The following FAM193A variants were observed in gnomAD, a reference collection of about 807,000 sequenced individuals.
The protein encoded by FAM193A is family with sequence similarity 193 member A.
A neutral mutation model predicts 126.5 loss-of-function variants in FAM193A; 22 were observed. The ratio of observed to expected loss-of-function variants is 0.17; its 90% CI spans 0.12 to 0.25. The LOEUF is 0.25. Among genes scored for constraint, FAM193A ranks in the 10% least tolerant of loss-of-function variants. FAM193A has a pLI of 1.00. For missense variants in FAM193A, 1,675 were observed against 1,672.8 expected (o/e 1.00, Z -0.02); for synonymous variants, 761 against 646.8 (o/e 1.18, Z -2.68).
At chr4:2,587,566 C>CCT (rs140634140) in intron 1 of FAM193A, among the ~76,000 whole-genome samples, 4,559 of 152,206 alleles carry the variant, frequency 0.03, 237 homozygotes, top group African/African-American at 0.1. Context: ...GTGGTGCATG[C>CCT]CTGTAGTTCC....
At chr4:2,729,070 A>G (rs1387025597) in intron 20 of FAM193A, among the ~76,000 whole-genome samples, 2 of 152,068 alleles carry the variant, frequency 1.3e-5, no homozygotes, top group East Asian at 3.9e-4. Flanking sequence ...CCATCAGGTG[A>G]TGGTTAGGCA....
intron 1 of FAM193A, among the ~76,000 whole-genome samples, chr4:2,574,936 T>C (rs1331620334): frequency 1.3e-5 from 2 of 152,164 alleles, no homozygotes; most frequent in Admixed American, 6.5e-5. Context: ...CCTTTTGGGT[T>C]CGTGACCCGC....
chr4:2,625,441 A>G, intron 3 of FAM193A, 46 bp downstream of exon 3: 1 of 670,718 alleles, frequency 1.5e-6, no homozygotes, highest in Non-Finnish European at 2.8e-6. Flanking sequence ...CCACAATGAC[A>G]TGCAGACCTG....
At chr4:2,611,128 C>T (rs1234896820) in intron 2 of FAM193A, among the ~76,000 whole-genome samples, 1 of 152,208 alleles carries the variant, frequency 6.6e-6, no homozygotes, top group Non-Finnish European at 1.5e-5. Flanking sequence ...AGTGCTTATA[C>T]TGTTCTGCAG....
At chr4:2,680,041 A>G (rs1162772879) in intron 13 of FAM193A, among the ~76,000 whole-genome samples, 2 of 150,856 alleles carry the variant, frequency 1.3e-5, no homozygotes, top group Non-Finnish European at 3.0e-5. Flanking sequence ...TTGTATTTTT[A>G]GTAGAGACGG....
At chr4:2,578,309 T>G (rs757871759) in intron 1 of FAM193A, among the ~76,000 whole-genome samples, 1 of 152,174 alleles carries the variant, frequency 6.6e-6, no homozygotes, top group Non-Finnish European at 1.5e-5. Flanking sequence ...CATTGCCTGC[T>G]TTATTTTGCT....
At position 2,697,353 on chromosome 4, in the gene FAM193A, C is replaced by CA. The variant is rs375700021; in HGVS notation, c.3507+769dup. Among the ~76,000 whole-genome samples, 263 of 150,306 alleles carry CA rather than the reference C, an allele frequency of 1.7e-3. 3 individuals are homozygous for CA. The highest frequency in any genetic ancestry group is 5.7e-3 in the African/African-American group (234 of 41,014). On this transcript the variant is annotated intron_variant, in intron 18 of 20. Transcript: ENST00000637812. ...CCTGGGTGACAGAGTGAGACTGTCT[C>CA]AAAAAAAAAGACAACTTTTTTCTCT...
chr4:2,612,139 A>G (rs896575316), intron 2 of FAM193A, among the ~76,000 whole-genome samples: 3 of 151,168 alleles, frequency 2.0e-5, no homozygotes, highest in Non-Finnish European at 2.9e-5. Flanking sequence ...CCCGGCTCCA[A>G]TTTGTGTTTC....
chr4:2,671,982 C>T, intron 12 of FAM193A, 139 bp from the exon 13 acceptor site: 1 of 805,294 alleles, frequency 1.2e-6, no homozygotes, highest in Non-Finnish European at 2.0e-6. Context: ...GCATGGAAGG[C>T]CCTGGTCAAC....
intron 1 of FAM193A, among the ~76,000 whole-genome samples, chr4:2,542,451 T>C (rs1269992954): frequency 6.6e-6 from 1 of 152,228 alleles, no homozygotes; most frequent in Non-Finnish European, 1.5e-5. Context: ...GCCGATATTT[T>C]AAGCTTTTAA....
intron 19 of FAM193A, among the ~76,000 whole-genome samples, chr4:2,712,677 A>G (rs1719107355): frequency 6.6e-6 from 1 of 152,170 alleles, no homozygotes; most frequent in African/African-American, 2.4e-5. Flanking sequence ...GCCCATTCAC[A>G]CTTAGTGATA....
chr4:2,652,415 G>GACTGGAA (rs1298272919), intron 7 of FAM193A, among the ~76,000 whole-genome samples: 1 of 152,208 alleles, frequency 6.6e-6, no homozygotes, highest in East Asian at 1.9e-4. Flanking sequence ...AAATACCTGA[G>GACTGGAA]ACTGGATAAT....
intron 15 of FAM193A, among the ~76,000 whole-genome samples, chr4:2,692,778 G>C (rs57680530): frequency 2.1e-5 from 3 of 145,686 alleles, no homozygotes; most frequent in Non-Finnish European, 3.0e-5. Context: ...TTATACCTTA[G>C]ATGAGAGTAT....
chr4:2,536,260 C>T (rs573138074), upstream of FAM193A, among the ~76,000 whole-genome samples: 28 of 151,606 alleles, frequency 1.8e-4, 1 homozygote, highest in Non-Finnish European at 3.4e-4. Flanking sequence ...GGCGCGGCCT[C>T]CTGCCGGCCT....
chr4:2,616,709 A>G (rs1302148420), intron 2 of FAM193A, among the ~76,000 whole-genome samples: 1 of 151,712 alleles, frequency 6.6e-6, no homozygotes, highest in African/African-American at 2.4e-5. Flanking sequence ...ACAGGCACCC[A>G]CCACCACACC....
intron 7 of FAM193A, among the ~76,000 whole-genome samples, chr4:2,657,343 T>TAA (rs1160864728): frequency 2.0e-5 from 3 of 152,236 alleles, no homozygotes; most frequent in African/African-American, 7.2e-5. Context: ...TTTTTGCCTT[T>TAA]AACTCCTAAC....
intron 18 of FAM193A, 74 bp downstream of exon 18, chr4:2,696,667 T>C: frequency 3.4e-6 from 4 of 1,180,230 alleles, no homozygotes; most frequent in Admixed American, 2.0e-5. Flanking sequence ...CGCCAGTCTC[T>C]AGGCAGGGCT....
At chr4:2,627,609 A>C (rs1321447438) in intron 4 of FAM193A, among the ~76,000 whole-genome samples, 6 of 108,640 alleles carry the variant, frequency 5.5e-5, no homozygotes, top group South Asian at 2.8e-4. Context: ...ATGGAGTCTC[A>C]CTCTGTCGCC....
At chr4:2,611,237 C>T (rs886379968) in intron 2 of FAM193A, among the ~76,000 whole-genome samples, 3 of 151,970 alleles carry the variant, frequency 2.0e-5, no homozygotes, top group African/African-American at 7.3e-5. Flanking sequence ...TGTTATCCTT[C>T]ATTATGGTTT....
Sources: gnomAD v4.1 joint callset for allele counts (sites outside exome capture counted in the v4.1 genomes callset) on GRCh38, gnomAD v4.1.1 for gene constraint, MANE v1.5 for transcripts, NCBI Gene and HGNC (gene_info 2026-07-23, HGNC 2026-07-21) for gene names.